SH3GL2: variants seen among roughly 807,000 people sequenced by gnomAD.
SH3GL2 encodes SH3 domain containing GRB2 like 2, endophilin A1.
A neutral mutation model predicts 46.0 loss-of-function variants in SH3GL2; 24 were observed. The ratio of observed to expected loss-of-function variants is 0.52; its 90% CI spans 0.38 to 0.73. The LOEUF (loss-of-function observed/expected upper bound fraction) is 0.73. SH3GL2 is among the 30% of genes least tolerant of loss of function. The pLI, the probability that SH3GL2 is intolerant of heterozygous loss-of-function variation, is 0.00. For missense variants in SH3GL2, 413 were observed against 424.2 expected (o/e 0.97, Z 0.23); for synonymous variants, 196 against 147.1 (o/e 1.33, Z -2.40).
chr9:17,722,505 T>C (rs1821920430), intron 1 of SH3GL2, among the ~76,000 whole-genome samples: 1 of 152,034 alleles, frequency 6.6e-6, no homozygotes, highest in Non-Finnish European at 1.5e-5. Flanking sequence ...CAGTAAAATT[T>C]TTTTTTCTTA....
rs529398406 is a variant in SH3GL2, at chr9:17,778,323, C to T, written c.188-8058C>T. On this transcript the variant is annotated intron_variant, in intron 3 of 8. Transcript: ENST00000380607. ...ATGAGGCAGGCAAAGCCCCTGCCCTCATGGAGCCTATACTCTGGAAGGATG... is the reference window on the plus strand; with the variant it reads ...ATGAGGCAGGCAAAGCCCCTGCCCTTATGGAGCCTATACTCTGGAAGGATG... Among the ~76,000 whole-genome samples the T allele has an allele frequency of 3.3e-5, 5 of 152,240 alleles. No homozygotes were observed. The South Asian group carries it at 1.0e-3, about 32-fold the overall frequency.
chr9:17,629,293 G>T (rs554674804), intron 1 of SH3GL2, among the ~76,000 whole-genome samples: 5 of 152,106 alleles, frequency 3.3e-5, no homozygotes, highest in Middle Eastern at 6.8e-3. Context: ...TTTCATGATA[G>T]AAATGAAATA....
In SH3GL2 at chr9:17,636,883, A is replaced by G. The variant is rs75156785; in HGVS notation, c.45+57596A>G. 6.5e-3 allele frequency among the ~76,000 whole-genome samples: 997 copies of G among 152,330 alleles called. 3 individuals are homozygous for G. Among genetic ancestry groups the G allele is most frequent in the Non-Finnish European group, 0.012 (810 of 68,028 alleles). On this transcript the variant is annotated intron_variant, in intron 1 of 8. Transcript: ENST00000380607. ...CTGGGTGGTTTTCTTTATTGTTTAAAATTCATTACAGTGATCCTAGTGTGT... is the reference window on the plus strand; with the variant it reads ...CTGGGTGGTTTTCTTTATTGTTTAAGATTCATTACAGTGATCCTAGTGTGT...
At chr9:17,713,858 G>T (rs1031843991) in intron 1 of SH3GL2, among the ~76,000 whole-genome samples, 1 of 151,548 alleles carries the variant, frequency 6.6e-6, no homozygotes, top group African/African-American at 2.4e-5. Context: ...TTTTGTCATC[G>T]TTGGATGGAG....
At chr9:17,648,898 A>G (rs1378363883) in intron 1 of SH3GL2, among the ~76,000 whole-genome samples, 1 of 152,210 alleles carries the variant, frequency 6.6e-6, no homozygotes, top group Non-Finnish European at 1.5e-5. Flanking sequence ...CATCATATCA[A>G]TCATTTTTTC....
intron 1 of SH3GL2, among the ~76,000 whole-genome samples, chr9:17,615,488 C>T (rs545154191): frequency 3.2e-4 from 48 of 151,844 alleles, no homozygotes; most frequent in Non-Finnish European, 5.9e-4. Flanking sequence ...AACCCCGTCT[C>T]TACTAAAAAT....
At chr9:17,792,258 T>C (rs1286851131) in intron 7 of SH3GL2, among the ~76,000 whole-genome samples, 1 of 152,216 alleles carries the variant, frequency 6.6e-6, no homozygotes, top group Non-Finnish European at 1.5e-5. Context: ...CGGCGCAGCC[T>C]TATGGAAATT....
intron 1 of SH3GL2, among the ~76,000 whole-genome samples, chr9:17,738,581 G>T (rs796119730): frequency 0.23 from 25,781 of 114,548 alleles, 3,534 homozygotes; most frequent in Non-Finnish European, 0.29. Context: ...TATATAGAGA[G>T]AGAGAGAGAG....
At chr9:17,640,072 T>G (rs1819638356) in intron 1 of SH3GL2, among the ~76,000 whole-genome samples, 1 of 152,156 alleles carries the variant, frequency 6.6e-6, no homozygotes, top group Non-Finnish European at 1.5e-5. Context: ...TATAAGGTTG[T>G]GTGCAATTAT....
At chr9:17,789,904 A>G (rs1824073135) in intron 6 of SH3GL2, 4 of 336,152 alleles carry the variant, frequency 1.2e-5, no homozygotes, top group Admixed American at 6.5e-5. Context: ...TATGGTTTCT[A>G]CTGAGCACAT....
intron 1 of SH3GL2, among the ~76,000 whole-genome samples, chr9:17,646,600 C>G (rs530373258): frequency 6.6e-6 from 1 of 152,276 alleles, no homozygotes; most frequent in South Asian, 2.1e-4. Context: ...CTATTGCTTT[C>G]TGTTTGTCAG....
intron 1 of SH3GL2, 109 bp from the exon 2 acceptor site, chr9:17,746,957 A>C: frequency 1.4e-6 from 1 of 698,956 alleles, no homozygotes; most frequent in Non-Finnish European, 2.4e-6. Flanking sequence ...AAGTCAGGGA[A>C]TGGTTGTGAG....
intron 1 of SH3GL2, among the ~76,000 whole-genome samples, chr9:17,742,039 C>A (rs1822541599): frequency 1.3e-5 from 2 of 152,218 alleles, no homozygotes; most frequent in African/African-American, 4.8e-5. Context: ...CCTGGCTTTG[C>A]ATCATGAATA....
intron 1 of SH3GL2, among the ~76,000 whole-genome samples, chr9:17,584,330 G>C (rs759938317): frequency 6.6e-6 from 1 of 152,064 alleles, no homozygotes; most frequent in African/African-American, 2.4e-5. Context: ...GTGAAACCTC[G>C]TCTCTACTAA....
At chr9:17,753,561 A>G (rs553099549) in intron 2 of SH3GL2, among the ~76,000 whole-genome samples, 52 of 152,288 alleles carry the variant, frequency 3.4e-4, no homozygotes, top group African/African-American at 1.1e-3. Flanking sequence ...TTCCTTATAG[A>G]TGCTGGATAT....
chr9:17,657,988 G>C (rs764076191), intron 1 of SH3GL2, among the ~76,000 whole-genome samples: 4 of 152,186 alleles, frequency 2.6e-5, no homozygotes, highest in Non-Finnish European at 5.9e-5. Flanking sequence ...TTGTTGGACA[G>C]TTGTTGTAGA....
chr9:17,618,251 C>T (rs1373753342), intron 1 of SH3GL2, among the ~76,000 whole-genome samples: 1 of 151,886 alleles, frequency 6.6e-6, no homozygotes, highest in African/African-American at 2.4e-5. Flanking sequence ...AAACATCCTG[C>T]AATGCACAGG....
chr9:17,787,301 T>C (rs1215503372), intron 4 of SH3GL2, 79 bp from the exon 5 acceptor site: 6 of 1,192,544 alleles, frequency 5.0e-6, no homozygotes, highest in Middle Eastern at 2.0e-4. Flanking sequence ...CCTTTGGGTT[T>C]TCATCTGTGA....
chr9:17,741,726 A>G (rs1236454317), intron 1 of SH3GL2, among the ~76,000 whole-genome samples: 2 of 152,214 alleles, frequency 1.3e-5, no homozygotes, highest in African/African-American at 2.4e-5. Context: ...AGACATTTTC[A>G]AATAAAAGAA....
Sources: allele counts gnomAD v4.1 joint callset (sites outside exome capture counted in the v4.1 genomes callset), GRCh38; gene constraint gnomAD v4.1.1; transcripts MANE v1.5; gene names NCBI Gene and HGNC (gene_info 2026-07-23, HGNC 2026-07-21).